WDR12: variants seen among roughly 807,000 people sequenced by gnomAD.
The protein encoded by WDR12 is WD repeat domain 12.
Under a neutral mutation model 64.3 loss-of-function variants are expected in WDR12, and 42 were observed. The ratio of observed to expected loss-of-function variants is 0.65; its 90% CI spans 0.51 to 0.84. The LOEUF (loss-of-function observed/expected upper bound fraction) is 0.84. WDR12 is among the 40% of genes least tolerant of loss of function. The pLI is 0.00. For synonymous variants in WDR12, 158 were observed against 173.3 expected (o/e 0.91, Z 0.70); for missense variants, 469 against 494.6 (o/e 0.95, Z 0.49).
intron 4 of WDR12, among the ~76,000 whole-genome samples, chr2:202,899,171 T>C (rs1688305223): frequency 6.7e-6 from 1 of 149,956 alleles, no homozygotes; most frequent in East Asian, 2.0e-4. Context: ...GCCTCCCAAG[T>C]AGCGGGGACT....
At chr2:202,903,790 T>C (rs566595083) in intron 2 of WDR12, among the ~76,000 whole-genome samples, 2 of 152,038 alleles carry the variant, frequency 1.3e-5, no homozygotes, top group South Asian at 4.1e-4. Flanking sequence ...TACCTAGGAA[T>C]TAACCAAAGA....
rs1687978625 is a variant in WDR12, at chr2:202,882,774, A to G, written c.1131T>C (p.Ala377=). 3 of 1,613,916 alleles carry G rather than the reference A, an allele frequency of 1.9e-6. No homozygotes were observed. In the African/African-American group the frequency reaches 4.0e-5, roughly 22 times the overall value. Residue 377 remains alanine, a synonymous_variant, in exon 12 of 13, where the codon GCT becomes GCC. Coordinates refer to ENST00000261015, the MANE Select transcript of WDR12 (RefSeq NM_018256.4). Reference sequence around the variant, plus strand: ...CATGAGCAGCCAGATCATAGAGAGGAGCCTTACAACTAAAAGATGAAAATA... The same window carrying G: ...CATGAGCAGCCAGATCATAGAGAGGGGCCTTACAACTAAAAGATGAAAATA... ...VKLWDTRSCK[A]PLYDLAAHED...
chr2:202,901,444 G>C (rs78689732), intron 2 of WDR12, among the ~76,000 whole-genome samples: 2,929 of 152,138 alleles, frequency 0.019, 102 homozygotes, highest in African/African-American at 0.067. Context: ...TCCCCGGCTG[G>C]TTTATTTTAA....
intron 2 of WDR12, among the ~76,000 whole-genome samples, chr2:202,903,501 A>AAGTG (rs1314147131): frequency 2.0e-4 from 15 of 74,814 alleles, no homozygotes; most frequent in African/African-American, 5.1e-4. Flanking sequence ...GGAAGGAAGG[A>AAGTG]AGTGAGGGAG....
Position 202,884,460 on chromosome 2 carries a change from T to G in WDR12, c.817A>C (p.Ser273Arg). The change falls in exon 9 of 13, where the codon AGT (serine) becomes CGT (arginine). Residue 273 changes from serine to arginine, a missense_variant. Ser to Arg is a moderately radical substitution (Grantham distance 110). Coordinates refer to ENST00000261015, the MANE Select transcript of WDR12 (RefSeq NM_018256.4). ...VLWSDAEEIC[S>R]ASWDHTIRVW... ...CTAATTGTATGGTCCCAAGATGCACTGCAGATTTCTTCAGCATCTGACCAC... is the reference window on the plus strand; with the variant it reads ...CTAATTGTATGGTCCCAAGATGCACGGCAGATTTCTTCAGCATCTGACCAC... 1.2e-6 allele frequency: 2 copies of G among 1,614,230 alleles called. No homozygotes were observed. Among genetic ancestry groups the G allele is most frequent in the Non-Finnish European group, 1.7e-6 (2 of 1,180,044 alleles).
chr2:202,894,853 G>A (rs1688211714), intron 6 of WDR12: 1 of 398,334 alleles, frequency 2.5e-6, no homozygotes, highest in Admixed American at 4.6e-5. Flanking sequence ...TGAAGTGAGA[G>A]AGAATAAAGT....
At chr2:202,902,714 T>C (rs1479280080) in intron 2 of WDR12, among the ~76,000 whole-genome samples, 1 of 152,202 alleles carries the variant, frequency 6.6e-6, no homozygotes, top group Non-Finnish European at 1.5e-5. Flanking sequence ...TTTGAGGTTT[T>C]GGGACTCGGA....
chr2:202,883,719 G>C lies in WDR12; in HGVS notation c.1011C>G (p.Ser337=). 1 of 1,613,908 alleles carries C rather than the reference G, an allele frequency of 6.2e-7. No individual in the cohort carries two copies. The part of the protein sequence containing the change: ...RTKDGSLVSL[S]LTSHTGWVTS... Reference sequence around the variant, plus strand: ...TCACCCAACCAGTATGTGACGTTAGGGACAGCGACACCAAAGAACCATCTG... The same window carrying C: ...TCACCCAACCAGTATGTGACGTTAGCGACAGCGACACCAAAGAACCATCTG... The change falls in exon 11 of 13, where the codon TCC becomes TCG. Residue 337 remains serine, a synonymous_variant. Transcript: ENST00000261015.
intron 8 of WDR12, among the ~76,000 whole-genome samples, chr2:202,891,270 G>A (rs1688152012): frequency 6.6e-6 from 1 of 152,048 alleles, no homozygotes; most frequent in Non-Finnish European, 1.5e-5. Flanking sequence ...CTCCTGGGCT[G>A]GGCGTAGCTG....
chr2:202,882,235 A>G (rs1307278205), intron 12 of WDR12, among the ~76,000 whole-genome samples: 3 of 151,922 alleles, frequency 2.0e-5, no homozygotes, highest in Non-Finnish European at 2.9e-5. Context: ...GGCCTATTAA[A>G]GGACAAATTT....
At position 202,892,671 on chromosome 2, in the gene WDR12, C is replaced by T; in HGVS notation, c.687G>A (p.Glu229=). ...VPTDEEDEME[E]STNRPRKKQK... ...GTTTCTTTCTTGGTCGATTTGTGGA[C>T]TCCTCCATTTCATCTTCTTCATCTG... Residue 229 remains glutamate (E), a synonymous_variant, in exon 8 of 13, where the codon GAG becomes GAA. Coordinates refer to ENST00000261015, the MANE Select transcript of WDR12 (RefSeq NM_018256.4). 6.2e-7 allele frequency: 1 copy of T among 1,613,304 alleles called. No individual in the cohort carries two copies. The highest frequency in any genetic ancestry group is 8.5e-7 in the Non-Finnish European group (1 of 1,179,494).
intron 3 of WDR12, 102 bp downstream of exon 3, chr2:202,900,923 C>G (rs1433160582): frequency 1.1e-6 from 1 of 882,066 alleles, no homozygotes; most frequent in African/African-American, 1.7e-5. Context: ...TAAAAAGAAT[C>G]TTTGCTACTA....
chr2:202,911,329 A>G, intron 1 of WDR12, 107 bp downstream of exon 1: 1 of 1,097,094 alleles, frequency 9.1e-7, no homozygotes, highest in Non-Finnish European at 1.4e-6. Context: ...TCTCAGAAAA[A>G]AGGGTGGGGG....
At position 202,908,995 on chromosome 2, in the gene WDR12, T is replaced by C. The variant is rs542944128; in HGVS notation, c.42-1036A>G. 7.2e-5 allele frequency among the ~76,000 whole-genome samples: 11 copies of C among 152,340 alleles called. No homozygotes were observed. In the South Asian group the frequency reaches 2.3e-3, roughly 32 times the overall value. Reference sequence around the variant, plus strand: ...GTTAATCAAACACAATGAAATATAATTTCACATCCACTAGGGTGCTATAAG... The same window carrying C: ...GTTAATCAAACACAATGAAATATAACTTCACATCCACTAGGGTGCTATAAG... On this transcript the variant is annotated intron_variant, in intron 1 of 12. Transcript: ENST00000261015.
intron 8 of WDR12, among the ~76,000 whole-genome samples, chr2:202,888,960 T>C (rs1246891724): frequency 1.3e-5 from 2 of 152,192 alleles, no homozygotes; most frequent in African/African-American, 4.8e-5. Context: ...TCCTCCAGTG[T>C]TGGCTTCAAA....
intron 1 of WDR12, among the ~76,000 whole-genome samples, chr2:202,909,253 T>C (rs901023108): frequency 2.6e-5 from 4 of 152,180 alleles, no homozygotes; most frequent in Admixed American, 6.5e-5. Context: ...ACATAACAAC[T>C]ATTCATAATA....
chr2:202,882,729 T>C lies in WDR12; in HGVS notation c.1176A>G (p.Val392=), dbSNP rs1458933441. 1 of 1,613,928 alleles carries C rather than the reference T, an allele frequency of 6.2e-7. No homozygotes were observed. The highest frequency in any genetic ancestry group is 2.2e-5 in the East Asian group (1 of 44,886). Residue 392 remains valine (V), a synonymous_variant, in exon 12 of 13, where the codon GTA becomes GTG. Transcript: ENST00000261015. The stretch of plus-strand genomic sequence containing the variant: ...TTCTTACCCCTGTGTCTGTCCAGTC[T>C]ACACTCAGAACTTTGTCTTCATGAG... The part of the protein sequence containing the change: ...LAAHEDKVLS[V]DWTDTGLLLS...
rs1366838938 is a variant in WDR12 at position 202,899,160 on chromosome 2, A to G, written c.338+371T>C. ...CAGGTTCACGCCATTCTCCTGCCTC[A>G]GCCTCCCAAGTAGCGGGGACTACAG... On this transcript the variant is annotated intron_variant, in intron 4 of 12. Coordinates refer to ENST00000261015, the MANE Select transcript of WDR12 (RefSeq NM_018256.4). Among the ~76,000 whole-genome samples, 4 of 146,116 alleles carry G rather than the reference A, an allele frequency of 2.7e-5. No individual in the cohort carries two copies. In the East Asian group the frequency reaches 8.2e-4, roughly 30 times the overall value.
rs962443487 is a variant in WDR12 at position 202,876,645 on chromosome 2, T to C, written c.*4215A>G. On this transcript the variant is annotated 3_prime_UTR_variant, in exon 13 of 13. Coordinates refer to ENST00000261015, the MANE Select transcript of WDR12 (RefSeq NM_018256.4). Reference sequence around the variant, plus strand: ...AGCCATAGTAATATCTATTAAAAAATCTGTATTTTTGGCCAGGCACAGTGG... The same window carrying C: ...AGCCATAGTAATATCTATTAAAAAACCTGTATTTTTGGCCAGGCACAGTGG... 12 of 152,192 alleles carry C rather than the reference T, an allele frequency of 7.9e-5. No homozygotes were observed. Among genetic ancestry groups the C allele is most frequent in the African/African-American group, 2.7e-4 (11 of 41,434 alleles). 9.4% of individuals were successfully genotyped at this position (152,192 alleles called of 1,614,324 possible). A position where few individuals can be genotyped will look rare whatever the true frequency, so the allele number is the denominator to read the frequency against.
Sources: gnomAD v4.1 joint callset for allele counts (sites outside exome capture counted in the v4.1 genomes callset) on GRCh38, gnomAD v4.1.1 for gene constraint, MANE v1.5 for transcripts, NCBI Gene and HGNC (gene_info 2026-07-23, HGNC 2026-07-21) for gene names.